Variants in SLC35B3 observed in about 807,000 individuals in gnomAD.
SLC35B3 encodes the protein adenosine 3'-phospho 5'-phosphosulfate transporter 2.
In SLC35B3, 35 loss-of-function variants were observed where a neutral mutation model predicts 44.1. The observed-to-expected ratio is 0.79, with a 90% CI of 0.61 to 1.05. The LOEUF (loss-of-function observed/expected upper bound fraction) is 1.05, where lower values mean the gene tolerates loss of function less well. Among genes scored for constraint, SLC35B3 ranks in the 50% least tolerant of loss-of-function variants. The pLI, the probability that SLC35B3 is intolerant of heterozygous loss-of-function variation, is 0.00. For missense variants in SLC35B3, 414 were observed against 476.4 expected (o/e 0.87, Z 1.22); for synonymous variants, 146 against 167.3 (o/e 0.87, Z 0.98).
At chr6:8,424,988 T>C (rs929036083) in intron 4 of SLC35B3, among the ~76,000 whole-genome samples, 1 of 152,218 alleles carries the variant, frequency 6.6e-6, no homozygotes, top group Non-Finnish European at 1.5e-5. Flanking sequence ...ATGGGTGTAT[T>C]TGCAGAAATA....
In SLC35B3 at chr6:8,435,174, C is replaced by G. The variant is rs1764364344; in HGVS notation, c.-44+169G>C. 3 of 1,287,206 alleles carry G rather than the reference C, an allele frequency of 2.3e-6. No individual in the cohort carries two copies. Among genetic ancestry groups the G allele is most frequent in the Admixed American group, 2.3e-5 (1 of 43,496 alleles). 79.7% of individuals were successfully genotyped at this position (1,287,206 alleles called of 1,614,324 possible). On this transcript the variant is annotated intron_variant, in intron 1 of 10. Coordinates refer to ENST00000644923, the MANE Select transcript of SLC35B3 (RefSeq NM_001370476.2). This position sits in a 1 kb window ranked among gnomAD's most constrained non-coding sequence, Gnocchi z 5.5. The stretch of plus-strand genomic sequence containing the variant: ...CAGATGCTCCTCCCTGGAAACCGCC[C>G]GGCCGGTTTCCGCTCTTTCAAAAAA...
rs1471039116 is a variant in SLC35B3, at chr6:8,413,424, T to A, written c.*125A>T. 1.4e-5 allele frequency: 11 copies of A among 808,798 alleles called. No homozygotes were observed. Among genetic ancestry groups the A allele is most frequent in the Non-Finnish European group, 2.0e-5 (11 of 541,890 alleles). The allele number at this position is 808,798 out of a possible 1,614,324, so 50.1% of individuals were successfully genotyped here. On this transcript the variant is annotated 3_prime_UTR_variant, in exon 11 of 11. Coordinates refer to ENST00000644923, the MANE Select transcript of SLC35B3 (RefSeq NM_001370476.2). The stretch of plus-strand genomic sequence containing the variant: ...GCTGACACCGCAAAACAACTTCATA[T>A]GAAATCTGTCCACAAATGGGATAGC...
At chr6:8,421,946 T>C (rs905942867) in intron 5 of SLC35B3, among the ~76,000 whole-genome samples, 4 of 152,222 alleles carry the variant, frequency 2.6e-5, no homozygotes, top group Admixed American at 2.6e-4. Context: ...TTATCTTTTC[T>C]TTTTCTTAAG....
In SLC35B3 at chr6:8,435,187, C is replaced by A. The variant is rs1229260060; in HGVS notation, c.-44+156G>T. 1 of 1,288,396 alleles carries A rather than the reference C, an allele frequency of 7.8e-7. No individual in the cohort carries two copies. The highest frequency in any genetic ancestry group is 2.3e-5 in the Admixed American group (1 of 43,554). The allele number at this position is 1,288,396 out of a possible 1,614,324, so 79.8% of individuals were successfully genotyped here. The stretch of plus-strand genomic sequence containing the variant: ...CTGGAAACCGCCCGGCCGGTTTCCG[C>A]TCTTTCAAAAAAGGGAATCACCCGT... On this transcript the variant is annotated intron_variant, in intron 1 of 10. Coordinates refer to ENST00000644923, the MANE Select transcript of SLC35B3 (RefSeq NM_001370476.2). This position sits in a 1 kb window ranked among gnomAD's most constrained non-coding sequence, Gnocchi z 5.5.
Position 8,416,580 on chromosome 6 carries a change from A to C in SLC35B3, c.985+304T>G, listed in dbSNP as rs1410651552. On this transcript the variant is annotated intron_variant, in intron 9 of 10. Transcript: ENST00000644923. Reference sequence around the variant, plus strand: ...CAGGTTAAAAGCATATAAAGGCAGTACTTTCTTTGGAGGTCGTCATCTCAT... The same window carrying C: ...CAGGTTAAAAGCATATAAAGGCAGTCCTTTCTTTGGAGGTCGTCATCTCAT... Among the ~76,000 whole-genome samples, 6 of 152,208 alleles carry C rather than the reference A, an allele frequency of 3.9e-5. No individual in the cohort carries two copies. In the East Asian group the frequency reaches 9.6e-4, roughly 24 times the overall value.
At chr6:8,416,628 T>G (rs1279531867) in intron 9 of SLC35B3, among the ~76,000 whole-genome samples, 2 of 152,208 alleles carry the variant, frequency 1.3e-5, no homozygotes, top group Non-Finnish European at 2.9e-5. Context: ...GAAAGTTCTT[T>G]TAATGCGTTT....
At position 8,412,939 on chromosome 6, in the gene SLC35B3, C is replaced by T. The variant is rs1762105680; in HGVS notation, c.*610G>A. 2.0e-5 allele frequency: 3 copies of T among 152,234 alleles called. No homozygotes were observed. The highest frequency in any genetic ancestry group is 6.5e-5 in the Admixed American group (1 of 15,292). 9.4% of individuals were successfully genotyped at this position (152,234 alleles called of 1,614,324 possible). Reference sequence around the variant, plus strand: ...GCCACGGACTGGTACCAGTCCACGGCCTGGGTGGTTGGGAGCTCCTGCTCT... The same window carrying T: ...GCCACGGACTGGTACCAGTCCACGGTCTGGGTGGTTGGGAGCTCCTGCTCT... On this transcript the variant is annotated 3_prime_UTR_variant, in exon 11 of 11. Coordinates refer to ENST00000644923, the MANE Select transcript of SLC35B3 (RefSeq NM_001370476.2).
Position 8,413,446 on chromosome 6 carries a change from T to C in SLC35B3, c.*103A>G, listed in dbSNP as rs371917944. On this transcript the variant is annotated 3_prime_UTR_variant, in exon 11 of 11. Transcript: ENST00000644923. Reference sequence around the variant, plus strand: ...ATATGAAATCTGTCCACAAATGGGATAGCAATGCCTCCAGATCCTTTGGTT... The same window carrying C: ...ATATGAAATCTGTCCACAAATGGGACAGCAATGCCTCCAGATCCTTTGGTT... 6.5e-5 allele frequency: 63 copies of C among 967,688 alleles called. 2 individuals carry two copies. The highest frequency in any genetic ancestry group is 4.9e-4 in the East Asian group (18 of 36,758). The allele number at this position is 967,688 out of a possible 1,614,324, so 59.9% of individuals were successfully genotyped here. A position where few individuals can be genotyped will look rare whatever the true frequency, so the allele number is the denominator to read the frequency against.
At chr6:8,429,709 G>GTCTTCTGTT in intron 3 of SLC35B3, 155 bp downstream of exon 2, 1 of 526,770 alleles carries the variant, frequency 1.9e-6, no homozygotes, top group South Asian at 3.3e-5. Flanking sequence ...ATTTTGATCT[G>GTCTTCTGTT]TTAAGAAGCT....
chr6:8,419,884 CTGAG>C lies in SLC35B3; in HGVS notation c.683-211_683-208del, dbSNP rs1456002220. On this transcript the variant is annotated intron_variant, in intron 6 of 10. Transcript: ENST00000644923. This position sits in a 1 kb window ranked among gnomAD's most constrained non-coding sequence, Gnocchi z 4.3. Reference sequence around the variant, plus strand: ...ATATTAAAAAAGATATACTAATAAACTGAGTTAGTTCTGTACATATCACATTTCA... The same window carrying C: ...ATATTAAAAAAGATATACTAATAAACTTAGTTCTGTACATATCACATTTCA... 2.0e-5 allele frequency among the ~76,000 whole-genome samples: 3 copies of C among 151,970 alleles called. No homozygotes were observed. Among genetic ancestry groups the C allele is most frequent in the East Asian group, 1.9e-4 (1 of 5,190 alleles).
At chr6:8,430,792 G>A (rs2113529040) in intron 2 of SLC35B3, among the ~76,000 whole-genome samples, 1 of 152,210 alleles carries the variant, frequency 6.6e-6, no homozygotes, top group African/African-American at 2.4e-5. Context: ...TAGCTACTTG[G>A]GAGGCTGAGG....
At chr6:8,421,992 GTGTT>G (rs35584868) in intron 5 of SLC35B3, among the ~76,000 whole-genome samples, 49,908 of 138,686 alleles carry the variant, frequency 0.36, 8,516 homozygotes, top group East Asian at 0.55. Context: ...AGGCATATAA[GTGTT>G]TGTTTGTTTG....
rs928747179 is a variant in SLC35B3, at chr6:8,435,445, T to C, written c.-146A>G. The C allele has an allele frequency of 1.6e-6, 2 of 1,215,458 alleles. No homozygotes were observed. The highest frequency in any genetic ancestry group is 1.3e-5 in the South Asian group (1 of 79,368). The allele number at this position is 1,215,458 out of a possible 1,614,324, so 75.3% of individuals were successfully genotyped here. A position where few individuals can be genotyped will look rare whatever the true frequency, so the allele number is the denominator to read the frequency against. ...CCTGGTCCGTCGCCATCACCTCCTC[T>C]TCCTCCTCCTCCTCGCCCACTCCTG... On this transcript the variant is annotated 5_prime_UTR_variant, in exon 1 of 11. Transcript: ENST00000644923. The surrounding 1 kb of genome is among the most constrained non-coding windows in gnomAD (Gnocchi z 5.5).
rs570170983 is a variant in SLC35B3, at chr6:8,420,548, T to C, written c.682+173A>G. ...ACTAAAAAACAAACAAATTGTTTTA[T>C]CTACAGAGCTGTGATATTTTCACTA... On this transcript the variant is annotated intron_variant, in intron 6 of 10. Transcript: ENST00000644923. The surrounding 1 kb of genome is among the most constrained non-coding windows in gnomAD (Gnocchi z 4.4). Among the ~76,000 whole-genome samples, 1 of 152,338 alleles carries C rather than the reference T, an allele frequency of 6.6e-6. No individual in the cohort carries two copies. The highest frequency in any genetic ancestry group is 2.1e-4 in the South Asian group (1 of 4,828).
chr6:8,414,869 T>C lies in SLC35B3; in HGVS notation c.1055+39A>G, dbSNP rs750211212. The C allele has an allele frequency of 2.3e-6, 3 of 1,292,042 alleles. No individual in the cohort carries two copies. The African/African-American group carries it at 4.4e-5, about 19-fold the overall frequency. The allele number at this position is 1,292,042 out of a possible 1,614,324, so 80.0% of individuals were successfully genotyped here. ...AAGAGGAAATGTGAAACACAGTATC[T>C]AAAAACTGAGAAAAATTGTTTAATT... On this transcript the variant is annotated intron_variant, in intron 10 of 10. Coordinates refer to ENST00000644923, the MANE Select transcript of SLC35B3 (RefSeq NM_001370476.2).
At chr6:8,414,856 G>A in intron 10 of SLC35B3, 52 bp downstream of exon 9, 1 of 1,002,268 alleles carries the variant, frequency 1.0e-6, no homozygotes, top group Admixed American at 2.0e-5. Context: ...GAGGAAATGT[G>A]AAACACAGTA....
intron 7 of SLC35B3, among the ~76,000 whole-genome samples, chr6:8,418,318 A>C (rs1437259752): frequency 1.3e-5 from 2 of 152,118 alleles, no homozygotes; most frequent in African/African-American, 4.8e-5. Context: ...ATTATGATGA[A>C]GAAAATTCTT....
intron 2 of SLC35B3, among the ~76,000 whole-genome samples, chr6:8,431,100 T>C (rs960688305): frequency 8.5e-6 from 1 of 117,012 alleles, no homozygotes; most frequent in African/African-American, 4.0e-5. Flanking sequence ...ATGTCATTTT[T>C]TGTCAGTCTA....
chr6:8,413,620 G>A lies in SLC35B3; in HGVS notation c.1135C>T (p.Pro379Ser), dbSNP rs140169332. Residue 379 changes from proline to serine, a missense_variant, in exon 11 of 11, where the codon CCA becomes TCA. Physicochemically the swap from Pro to Ser is moderately conservative, Grantham distance 74. Coordinates refer to ENST00000644923, the MANE Select transcript of SLC35B3 (RefSeq NM_001370476.2). ...TTGTTTATCAAATCATACAGTGATG[G>A]TAGTCTTATTTTATCCATATTTTTG... 1,856 of 1,602,474 alleles carry A rather than the reference G, an allele frequency of 1.2e-3. 2 individuals carry two copies. Among genetic ancestry groups the A allele is most frequent in the Non-Finnish European group, 1.5e-3 (1,734 of 1,173,034 alleles).
Sources: allele counts gnomAD v4.1 joint callset (sites outside exome capture counted in the v4.1 genomes callset), GRCh38; gene constraint gnomAD v4.1.1; non-coding constraint Gnocchi (gnomAD v3.1); transcripts MANE v1.5; gene names NCBI Gene and HGNC (gene_info 2026-07-23, HGNC 2026-07-21).